The following TRIM33 variants were observed in gnomAD, a reference collection of about 807,000 sequenced individuals.
TRIM33 encodes the protein E3 ubiquitin-protein ligase TRIM33.
In TRIM33, 20 loss-of-function variants were observed where a neutral mutation model predicts 125.4. The ratio of observed to expected loss-of-function variants is 0.16; its 90% CI spans 0.11 to 0.23. The LOEUF (loss-of-function observed/expected upper bound fraction) is 0.23. Among genes scored for constraint, TRIM33 ranks in the 10% least tolerant of loss-of-function variants. The pLI is 1.00. For synonymous variants in TRIM33, 564 were observed against 513.9 expected (o/e 1.10, Z -1.32); for missense variants, 920 against 1,411.4 (o/e 0.65, Z 5.58).
intron 5 of TRIM33, among the ~76,000 whole-genome samples, chr1:114,432,189 AC>A (rs1291335031): frequency 1.3e-5 from 2 of 152,230 alleles, no homozygotes; most frequent in Non-Finnish European, 2.9e-5. Flanking sequence ...CTCTTGCCCT[AC>A]TTTTGTATAC....
chr1:114,489,850 CAT>C (rs1241238345), intron 1 of TRIM33, among the ~76,000 whole-genome samples: 11 of 151,956 alleles, frequency 7.2e-5, no homozygotes, highest in Non-Finnish European at 1.5e-4. Flanking sequence ...AATTTTGTTA[CAT>C]GTTATTTTTC....
intron 4 of TRIM33, among the ~76,000 whole-genome samples, chr1:114,434,852 C>T (rs1046639855): frequency 1.3e-5 from 2 of 152,178 alleles, no homozygotes; most frequent in African/African-American, 4.8e-5. Flanking sequence ...CAGAGAAGAA[C>T]AGCATCTTAT....
chr1:114,499,278 A>G (rs1652567828), intron 1 of TRIM33, among the ~76,000 whole-genome samples: 1 of 152,168 alleles, frequency 6.6e-6, no homozygotes, highest in Admixed American at 6.6e-5. Flanking sequence ...AGAATGGGGA[A>G]GACATGGGAG....
rs1207652192 is a variant in TRIM33, at chr1:114,413,582, AAGAAAAAGACTTTTTCT to A, written c.2062-3283_2062-3267del. Among the ~76,000 whole-genome samples, 1,044 of 138,254 alleles carry A rather than the reference AAGAAAAAGACTTTTTCT, an allele frequency of 7.6e-3. 16 individuals are homozygous for A. The highest frequency in any genetic ancestry group is 0.031 in the African/African-American group (985 of 32,170). 90.7% of individuals were successfully genotyped at this position (138,254 alleles called of 152,430 possible). ...TCAAAAAAAAAAAAAAAGAAAAGAA[AAGAAAAAGACTTTTTCT>A]GAAAAGAAAAAGTCCAAAAGCAAAA... On this transcript the variant is annotated intron_variant, in intron 11 of 19. Transcript: ENST00000358465.
At chr1:114,502,197 A>G (rs148797909) in intron 1 of TRIM33, among the ~76,000 whole-genome samples, 1 of 152,328 alleles carries the variant, frequency 6.6e-6, no homozygotes, top group Non-Finnish European at 1.5e-5. Context: ...GGGTACTCCA[A>G]AATGAAGAAC....
chr1:114,459,738 T>C (rs1158817470), intron 4 of TRIM33, among the ~76,000 whole-genome samples: 1 of 152,004 alleles, frequency 6.6e-6, no homozygotes, highest in Non-Finnish European at 1.5e-5. Flanking sequence ...ATCCCGTCTC[T>C]TCAAAAAATA....
chr1:114,409,039 G>C (rs1652419221), intron 12 of TRIM33, among the ~76,000 whole-genome samples: 1 of 152,076 alleles, frequency 6.6e-6, no homozygotes, highest in Non-Finnish European at 1.5e-5. Flanking sequence ...ATTCTACTTA[G>C]GTTCCCATTA....
Position 114,395,445 on chromosome 1 carries a change from CTATT to C in TRIM33, c.*2199_*2202del, listed in dbSNP as rs1651492253. 1 of 197,196 alleles carries C rather than the reference CTATT, an allele frequency of 5.1e-6. No homozygotes were observed. The allele number at this position is 197,196 out of a possible 1,614,324, so 12.2% of individuals were successfully genotyped here. A position where few individuals can be genotyped will look rare whatever the true frequency, so the allele number is the denominator to read the frequency against. On this transcript the variant is annotated 3_prime_UTR_variant, in exon 20 of 20. Coordinates refer to ENST00000358465, the MANE Select transcript of TRIM33 (RefSeq NM_015906.4). Reference sequence around the variant, plus strand: ...TGTTTCTCCCCTCAGTTGGCAGAATCTATTTATGACTCATTATCTACAATTTTTT... The same window carrying C: ...TGTTTCTCCCCTCAGTTGGCAGAATCTATGACTCATTATCTACAATTTTTT...
At chr1:114,433,870 C>T (rs12568644) in intron 4 of TRIM33, 137 bp from the exon 5 acceptor site, 1 of 515,500 alleles carries the variant, frequency 1.9e-6, no homozygotes, top group Non-Finnish European at 3.4e-6. Context: ...TACCTTATCT[C>T]AACAGCAACT....
At chr1:114,457,239 C>T (rs116084722) in intron 4 of TRIM33, among the ~76,000 whole-genome samples, 3,928 of 152,228 alleles carry the variant, frequency 0.026, 86 homozygotes, top group Non-Finnish European at 0.034. Context: ...TGTCCATGTC[C>T]GGCCCTATGG....
In TRIM33 at chr1:114,456,288, T is replaced by C. The variant is rs182123819; in HGVS notation, c.923+6816A>G. 1.8e-4 allele frequency among the ~76,000 whole-genome samples: 27 copies of C among 152,316 alleles called. No homozygotes were observed. The East Asian group carries it at 5.0e-3, about 28-fold the overall frequency. ...CCAGGCCCTCAGAAGTTGTTAATTT[T>C]GGACAGTGTAAGGTACTGCCTGATG... On this transcript the variant is annotated intron_variant, in intron 4 of 19. Transcript: ENST00000358465.
rs1461610301 is a variant in TRIM33 at position 114,394,725 on chromosome 1, A to C, written c.*2923T>G. ...GTTTCCATATAGAGCACGACCTACA[A>C]TCTAACCATACTTTAGAACTTTCAC... On this transcript the variant is annotated 3_prime_UTR_variant, in exon 20 of 20. Coordinates refer to ENST00000358465, the MANE Select transcript of TRIM33 (RefSeq NM_015906.4). 1.5e-5 allele frequency: 3 copies of C among 201,136 alleles called. No homozygotes were observed. Among genetic ancestry groups the C allele is most frequent in the African/African-American group, 6.9e-5 (3 of 43,508 alleles). The allele number at this position is 201,136 out of a possible 1,614,324, so 12.5% of individuals were successfully genotyped here.
chr1:114,405,070 G>C (rs1652148148), intron 15 of TRIM33: 1 of 175,154 alleles, frequency 5.7e-6, no homozygotes, highest in South Asian at 1.8e-4. Context: ...ACTGATCCCT[G>C]ATAATTAGTG....
chr1:114,422,751 G>A (rs137904810), intron 10 of TRIM33, among the ~76,000 whole-genome samples: 1 of 151,912 alleles, frequency 6.6e-6, no homozygotes, highest in Non-Finnish European at 1.5e-5. Context: ...AAATGGGTTC[G>A]AATATTTGAT....
intron 7 of TRIM33, 56 bp downstream of exon 7, chr1:114,427,692 G>C (rs924955036): frequency 6.6e-7 from 1 of 1,521,936 alleles, no homozygotes; most frequent in African/African-American, 1.4e-5. Context: ...GCAATTCACT[G>C]AATATATATC....
intron 1 of TRIM33, among the ~76,000 whole-genome samples, chr1:114,483,781 AT>A (rs964961080): frequency 6.6e-6 from 1 of 152,162 alleles, no homozygotes; most frequent in African/African-American, 2.4e-5. Context: ...TCTTTAGAAA[AT>A]AGAGAAGAAA....
chr1:114,401,200 C>A (rs1451070641), intron 17 of TRIM33, among the ~76,000 whole-genome samples, 189 bp downstream of exon 17: 1 of 152,070 alleles, frequency 6.6e-6, no homozygotes, highest in Non-Finnish European at 1.5e-5. Flanking sequence ...CCGTGCCCGG[C>A]TAGTTTTTTG....
At chr1:114,408,137 CAGAA>C (rs71580617) in intron 13 of TRIM33, among the ~76,000 whole-genome samples, 22,165 of 151,984 alleles carry the variant, frequency 0.15, 1,876 homozygotes, top group Non-Finnish European at 0.19. Context: ...CCAAAATAGA[CAGAA>C]AAACAGGAGG....
chr1:114,434,253 G>A (rs1025854459), intron 4 of TRIM33, among the ~76,000 whole-genome samples: 6 of 152,276 alleles, frequency 3.9e-5, no homozygotes, highest in Admixed American at 2.0e-4. Context: ...CAATCCTCCT[G>A]CCTTGGCCTC....
Sources: gnomAD v4.1 joint callset for allele counts (sites outside exome capture counted in the v4.1 genomes callset) on GRCh38, gnomAD v4.1.1 for gene constraint, MANE v1.5 for transcripts, NCBI Gene and HGNC (gene_info 2026-07-23, HGNC 2026-07-21) for gene names.